The following MEMO1 variants were observed in gnomAD, a reference collection of about 807,000 sequenced individuals.
MEMO1 encodes the protein protein MEMO1.
In MEMO1, 6 loss-of-function variants were observed where a neutral mutation model predicts 45.2. That is an observed-to-expected ratio of 0.13 (90% CI 0.07 to 0.26). The LOEUF is 0.26. Ranked by LOEUF, MEMO1 falls within the 10% of genes least tolerant of loss-of-function variation. The pLI is 1.00. For synonymous variants in MEMO1, 78 were observed against 124.3 expected (o/e 0.63, Z 2.48); for missense variants, 184 against 370.5 (o/e 0.50, Z 4.13).
chr2:31,993,460 C>T (rs946541468), intron 2 of MEMO1, among the ~76,000 whole-genome samples: 2 of 152,202 alleles, frequency 1.3e-5, no homozygotes, highest in Non-Finnish European at 2.9e-5. Flanking sequence ...TTATAAACTA[C>T]TGCCCAGTGA....
At chr2:31,968,225 G>C (rs1025232085) in intron 2 of MEMO1, among the ~76,000 whole-genome samples, 2 of 152,192 alleles carry the variant, frequency 1.3e-5, no homozygotes, top group Non-Finnish European at 2.9e-5. Flanking sequence ...GTCTGAGCCA[G>C]TTTCCTCATC....
chr2:31,996,815 C>A (rs1239299252), intron 2 of MEMO1, among the ~76,000 whole-genome samples: 1 of 152,086 alleles, frequency 6.6e-6, no homozygotes, highest in Non-Finnish European at 1.5e-5. Flanking sequence ...AATGCAGCCT[C>A]GAACTCCTGG....
intron 5 of MEMO1, among the ~76,000 whole-genome samples, chr2:31,919,784 C>T (rs561626696): frequency 6.6e-6 from 1 of 152,104 alleles, no homozygotes; most frequent in African/African-American, 2.4e-5. Flanking sequence ...AATCATGCCA[C>T]TGCACTCCAG....
intron 4 of MEMO1, chr2:31,923,808 A>G: frequency 6.8e-7 from 1 of 1,469,226 alleles, no homozygotes; most frequent in Non-Finnish European, 9.0e-7. Context: ...TAAATTTCCT[A>G]AGTAAGTGTA....
At chr2:31,884,252 A>T (rs534591951) in intron 7 of MEMO1, among the ~76,000 whole-genome samples, 1 of 152,206 alleles carries the variant, frequency 6.6e-6, no homozygotes, top group Non-Finnish European at 1.5e-5. Context: ...CAAGTTAAAA[A>T]TTTTCTTAAC....
At chr2:31,963,126 T>C (rs965120095) in intron 2 of MEMO1, 3 of 1,497,710 alleles carry the variant, frequency 2.0e-6, no homozygotes, top group Non-Finnish European at 2.7e-6. Context: ...ACTACACCAT[T>C]AGCTCTCCCA....
intron 2 of MEMO1, among the ~76,000 whole-genome samples, chr2:31,987,319 C>T (rs1671385554): frequency 1.3e-5 from 2 of 152,012 alleles, no homozygotes; most frequent in South Asian, 2.1e-4. Flanking sequence ...TTTGTTAATC[C>T]TAAAACACAA....
At chr2:31,964,231 C>T (rs1313360168) in intron 2 of MEMO1, among the ~76,000 whole-genome samples, 1 of 151,914 alleles carries the variant, frequency 6.6e-6, no homozygotes, top group East Asian at 1.9e-4. Context: ...TTTATACATA[C>T]ACATACACGT....
At chr2:31,960,771 A>G (rs1224028975) in intron 2 of MEMO1, among the ~76,000 whole-genome samples, 1 of 151,924 alleles carries the variant, frequency 6.6e-6, no homozygotes, top group East Asian at 1.9e-4. Flanking sequence ...TTTTTAGTAG[A>G]GAGAGTGTTT....
intron 2 of MEMO1, among the ~76,000 whole-genome samples, chr2:31,990,579 T>C (rs1045504012): frequency 2.7e-5 from 4 of 150,482 alleles, no homozygotes; most frequent in Admixed American, 1.3e-4. Context: ...TTCTTTTTTT[T>C]TTTTTTTTTT....
At chr2:31,983,712 G>T (rs368970931) in intron 2 of MEMO1, among the ~76,000 whole-genome samples, 2 of 152,252 alleles carry the variant, frequency 1.3e-5, no homozygotes, top group Non-Finnish European at 2.9e-5. Context: ...GGGATTACAG[G>T]CGTGAGCCAC....
chr2:32,001,743 T>G (rs1159403829), intron 2 of MEMO1, among the ~76,000 whole-genome samples: 1 of 152,154 alleles, frequency 6.6e-6, no homozygotes, highest in African/African-American at 2.4e-5. Flanking sequence ...TCAGATGACG[T>G]AGCCTCCTCC....
At chr2:31,892,456 C>T (rs2147992767) in intron 6 of MEMO1, among the ~76,000 whole-genome samples, 1 of 152,090 alleles carries the variant, frequency 6.6e-6, no homozygotes. Flanking sequence ...AGAAGAGCAC[C>T]AATTCAATTC....
intron 4 of MEMO1, among the ~76,000 whole-genome samples, chr2:31,925,525 A>G (rs1262160894): frequency 2.0e-5 from 3 of 150,642 alleles, no homozygotes; most frequent in Non-Finnish European, 2.9e-5. Context: ...ACTTTCCCCA[A>G]TACCTTTCCC....
chr2:31,952,111 C>A (rs1254390381), intron 2 of MEMO1, among the ~76,000 whole-genome samples: 2 of 152,038 alleles, frequency 1.3e-5, no homozygotes, highest in Non-Finnish European at 2.9e-5. Flanking sequence ...AGTACTGTAT[C>A]AAATCAAAAC....
intron 2 of MEMO1, among the ~76,000 whole-genome samples, chr2:31,968,179 G>T (rs113885453): frequency 7.2e-5 from 11 of 152,304 alleles, no homozygotes; most frequent in Non-Finnish European, 1.2e-4. Context: ...GACTGAAGCA[G>T]AATTTCTGGG....
At chr2:31,889,893 T>C (rs766303952) in intron 7 of MEMO1, among the ~76,000 whole-genome samples, 7 of 152,154 alleles carry the variant, frequency 4.6e-5, no homozygotes, top group Non-Finnish European at 1.0e-4. Context: ...ATAATTCTTA[T>C]AACTATTATT....
chr2:31,883,317 C>T, intron 8 of MEMO1, 69 bp downstream of exon 8: 1 of 1,067,314 alleles, frequency 9.4e-7, no homozygotes, highest in South Asian at 1.6e-5. Flanking sequence ...CATGTTAAGT[C>T]TTGAATTACT....
intron 4 of MEMO1, among the ~76,000 whole-genome samples, chr2:31,921,493 C>G (rs1441415252): frequency 1.3e-5 from 2 of 152,132 alleles, no homozygotes; most frequent in South Asian, 2.1e-4. Flanking sequence ...TACAGTAAAC[C>G]AACCCACTAT....
Sources: allele counts gnomAD v4.1 joint callset (sites outside exome capture counted in the v4.1 genomes callset), GRCh38; gene constraint gnomAD v4.1.1; transcripts MANE v1.5; gene names NCBI Gene and HGNC (gene_info 2026-07-23, HGNC 2026-07-21).